PLAAT3: variants seen among roughly 807,000 people sequenced by gnomAD.
PLAAT3 encodes the protein Ca-independent phospholipase A1/2.
In PLAAT3, 21 loss-of-function variants were observed where a neutral mutation model predicts 16.7. The ratio of observed to expected loss-of-function variants is 1.26; its 90% confidence interval spans 0.89 to 1.81. The LOEUF is 1.81. PLAAT3 is among the 40% of genes most tolerant of loss of function. The pLI is 0.00. For synonymous variants in PLAAT3, 76 were observed against 81.7 expected (o/e 0.93, Z 0.38); for missense variants, 219 against 213.7 (o/e 1.02, Z -0.16).
chr11:63,613,063 T>C (rs781092233), intron 2 of PLAAT3, among the ~76,000 whole-genome samples: 13 of 152,276 alleles, frequency 8.5e-5, no homozygotes, highest in Non-Finnish European at 1.6e-4. Context: ...GGTTGAGCAC[T>C]CAAAATGTGT....
At chr11:63,578,250 T>C (rs1197847141) in intron 4 of PLAAT3, among the ~76,000 whole-genome samples, 1 of 150,370 alleles carries the variant, frequency 6.7e-6, no homozygotes, top group Non-Finnish European at 1.5e-5. Flanking sequence ...GCCACTGCAC[T>C]CCAGCCTGGA....
At chr11:63,601,473 C>T (rs1055035291) in intron 2 of PLAAT3, among the ~76,000 whole-genome samples, 2 of 151,022 alleles carry the variant, frequency 1.3e-5, no homozygotes, top group African/African-American at 4.9e-5. Flanking sequence ...AAGCTCAACA[C>T]ATAATTACGC....
intron 2 of PLAAT3, among the ~76,000 whole-genome samples, chr11:63,612,584 C>T (rs1231993748): frequency 1.3e-5 from 2 of 152,182 alleles, no homozygotes; most frequent in African/African-American, 4.8e-5. Context: ...GAATACTGAC[C>T]ATGAATATGC....
chr11:63,605,915 G>T (rs923496846), intron 2 of PLAAT3, among the ~76,000 whole-genome samples: 3 of 152,046 alleles, frequency 2.0e-5, no homozygotes, highest in Non-Finnish European at 4.4e-5. Context: ...GCGATGTCAG[G>T]GCAATGACAA....
chr11:63,598,875 G>T (rs1160612016), intron 2 of PLAAT3, among the ~76,000 whole-genome samples: 1 of 152,224 alleles, frequency 6.6e-6, no homozygotes, highest in Non-Finnish European at 1.5e-5. Context: ...TGTGTGTGAG[G>T]GTGGATGCAT....
intron 4 of PLAAT3, among the ~76,000 whole-genome samples, chr11:63,580,573 G>A (rs1937782131): frequency 6.6e-6 from 1 of 152,166 alleles, no homozygotes; most frequent in Admixed American, 6.5e-5. Context: ...AGAATCACTT[G>A]AACCCAGGAG....
chr11:63,579,763 C>T (rs1011965321), intron 4 of PLAAT3, among the ~76,000 whole-genome samples: 1 of 148,534 alleles, frequency 6.7e-6, no homozygotes, highest in Non-Finnish European at 1.5e-5. Context: ...AGGTGATACA[C>T]CTAATGTTAA....
intron 3 of PLAAT3, among the ~76,000 whole-genome samples, chr11:63,594,827 AGAT>A (rs1456482384): frequency 6.7e-6 from 1 of 150,136 alleles, no homozygotes; most frequent in Non-Finnish European, 1.5e-5. Context: ...GAAAGGGAGA[AGAT>A]GACAATACAG....
At chr11:63,602,706 C>G (rs1266920747) in intron 2 of PLAAT3, among the ~76,000 whole-genome samples, 1 of 152,092 alleles carries the variant, frequency 6.6e-6, no homozygotes, top group East Asian at 1.9e-4. Flanking sequence ...TCGCCAGGCT[C>G]ATACATTTAC....
intron 3 of PLAAT3, 44 bp downstream of exon 3, chr11:63,598,017 C>A: frequency 1.5e-6 from 2 of 1,332,938 alleles, no homozygotes; most frequent in East Asian, 4.6e-5. Context: ...CCTCTCTTCC[C>A]AGCCCCTGGG....
chr11:63,616,679 AGAG>A (rs1388085271), upstream of PLAAT3: 1 of 151,574 alleles, frequency 6.6e-6, no homozygotes, highest in Non-Finnish European at 1.5e-5. Flanking sequence ...TGCAGGACGC[AGAG>A]GAGTAGAGAG....
At chr11:63,612,012 C>T (rs1284083599) in intron 2 of PLAAT3, among the ~76,000 whole-genome samples, 8 of 152,314 alleles carry the variant, frequency 5.3e-5, no homozygotes, top group African/African-American at 1.9e-4. Context: ...GTGGCGCATG[C>T]CTGTAATCCC....
At chr11:63,590,547 GT>G (rs1409732881) in intron 3 of PLAAT3, among the ~76,000 whole-genome samples, 179 bp from the exon 4 acceptor site, 1 of 152,202 alleles carries the variant, frequency 6.6e-6, no homozygotes, top group Non-Finnish European at 1.5e-5. Context: ...CTGGGCCCTG[GT>G]TTCCTTATCT....
chr11:63,577,809 C>T (rs371579151), intron 4 of PLAAT3, among the ~76,000 whole-genome samples: 4 of 151,494 alleles, frequency 2.6e-5, no homozygotes, highest in South Asian at 2.1e-4. Context: ...TAAATAAGAA[C>T]GTGGTACTAT....
chr11:63,591,089 A>C (rs1217643917), intron 3 of PLAAT3, among the ~76,000 whole-genome samples: 1 of 152,188 alleles, frequency 6.6e-6, no homozygotes, highest in Non-Finnish European at 1.5e-5. Flanking sequence ...ATGATTGAAA[A>C]AGTGGGGATG....
At chr11:63,616,555 GC>G (rs779510823), upstream of PLAAT3, 35 of 151,986 alleles carry the variant, frequency 2.3e-4, no homozygotes, top group Non-Finnish European at 3.5e-4. Context: ...GAGCTACCGG[GC>G]CCCGCTCTTA....
At chr11:63,590,771 G>C (rs546949734) in intron 3 of PLAAT3, among the ~76,000 whole-genome samples, 1 of 152,210 alleles carries the variant, frequency 6.6e-6, no homozygotes, top group African/African-American at 2.4e-5. Flanking sequence ...GCTTACTGCA[G>C]AAAACATGGC....
rs1590696124 is a variant in PLAAT3 at position 63,601,059 on chromosome 11, T to TAA, written c.16-2897_16-2896insTT. Among the ~76,000 whole-genome samples, 8 of 147,622 alleles carry TAA rather than the reference T, an allele frequency of 5.4e-5. 1 individual carries two copies. The East Asian group carries it at 1.6e-3, about 29-fold the overall frequency. ...AAAAATTAAACAAAAAAAAAAATTT[T>TAA]TTTTTTTTTTTTTGAGGCAGAGTCT... On this transcript the variant is annotated intron_variant, in intron 2 of 4. Coordinates refer to ENST00000415826, the MANE Select transcript of PLAAT3 (RefSeq NM_001128203.2).
At chr11:63,584,508 G>GTTTTTTTTTTTTT (rs59460211) in intron 4 of PLAAT3, among the ~76,000 whole-genome samples, 1 of 140,242 alleles carries the variant, frequency 7.1e-6, no homozygotes, top group Non-Finnish European at 1.5e-5. Context: ...TTTTTTTTTT[G>GTTTTTTTTTTTTT]TTTTTTTTTG....
Sources: allele counts gnomAD v4.1 joint callset (sites outside exome capture counted in the v4.1 genomes callset), GRCh38; gene constraint gnomAD v4.1.1; transcripts MANE v1.5; gene names NCBI Gene and HGNC (gene_info 2026-07-23, HGNC 2026-07-21).